KIAA1958: variants seen among roughly 807,000 people sequenced by gnomAD.
The protein encoded by KIAA1958 is uncharacterized protein KIAA1958.
Under a neutral mutation model 47.2 loss-of-function variants are expected in KIAA1958, and 14 were observed. The ratio of observed to expected loss-of-function variants is 0.30; its 90% confidence interval spans 0.20 to 0.46. KIAA1958 has a LOEUF of 0.46. Ranked by LOEUF, KIAA1958 falls within the 20% of genes least tolerant of loss-of-function variation. The probability of loss-of-function intolerance (pLI) is 1.00; values close to 1 mark genes in which losing one functional copy is unlikely to be tolerated. For missense variants in KIAA1958, 803 were observed against 909.2 expected (o/e 0.88, Z 1.50); for synonymous variants, 354 against 353.3 (o/e 1.00, Z -0.02).
intron 2 of KIAA1958, among the ~76,000 whole-genome samples, chr9:112,626,180 A>T (rs541022757): frequency 6.6e-6 from 1 of 152,222 alleles, no homozygotes. Context: ...AGAGGCCTAC[A>T]GTAAGTAGAT....
intron 3 of KIAA1958, among the ~76,000 whole-genome samples, chr9:112,647,179 A>G (rs1028391638): frequency 2.6e-5 from 4 of 152,206 alleles, no homozygotes; most frequent in African/African-American, 9.7e-5. Flanking sequence ...CCAAAAAAAA[A>G]AAAGTGCAAC....
At position 112,493,497 on chromosome 9, in the gene KIAA1958, T is replaced by G. The variant is rs917902832; in HGVS notation, c.-25+6379T>G. Among the ~76,000 whole-genome samples the G allele has an allele frequency of 2.0e-5, 3 of 152,256 alleles. No homozygotes were observed. The East Asian group carries it at 5.8e-4, about 29-fold the overall frequency. ...TTCCTTCTTTATTCTTAATCCCATT[T>G]TCCATACATAATCAAGCCCCTGGGT... On this transcript the variant is annotated intron_variant, in intron 1 of 3. Coordinates refer to ENST00000337530, the MANE Select transcript of KIAA1958 (RefSeq NM_133465.4).
intron 1 of KIAA1958, among the ~76,000 whole-genome samples, chr9:112,549,276 A>G (rs370689738): frequency 6.6e-6 from 1 of 152,242 alleles, no homozygotes; most frequent in Non-Finnish European, 1.5e-5. Context: ...ACATGTTTCC[A>G]TATCCTCATT....
At position 112,659,914 on chromosome 9, in the gene KIAA1958, G is replaced by C. The variant is rs188365567; in HGVS notation, c.1996G>C (p.Val666Leu). The stretch of plus-strand genomic sequence containing the variant: ...GAAGGAGGCCACAGACATGGGCAGC[G>C]TGTGGTATGAGGAGCAGAGGATGGG... ...ARKEATDMGS[V>L]WYEEQRMGLR... The change falls in exon 4 of 4, where the codon GTG (valine) becomes CTG (leucine). Residue 666 changes from valine to leucine, a missense_variant. Val to Leu is a conservative substitution (Grantham distance 32). Around this residue, in one of 2 missense-constraint regions of KIAA1958, gnomAD observed 761 missense variants for 829.3 expected, o/e 0.92. Coordinates refer to ENST00000337530, the MANE Select transcript of KIAA1958 (RefSeq NM_133465.4). 1.2e-6 allele frequency: 2 copies of C among 1,614,114 alleles called. No individual in the cohort carries two copies. Among genetic ancestry groups the C allele is most frequent in the Non-Finnish European group, 1.7e-6 (2 of 1,180,038 alleles).
At chr9:112,498,689 T>C (rs978485460) in intron 1 of KIAA1958, among the ~76,000 whole-genome samples, 1 of 152,222 alleles carries the variant, frequency 6.6e-6, no homozygotes, top group African/African-American at 2.4e-5. Flanking sequence ...TATTTCAATA[T>C]GTGTATACAA....
At chr9:112,578,089 A>G (rs1459047449) in intron 2 of KIAA1958, among the ~76,000 whole-genome samples, 1 of 152,156 alleles carries the variant, frequency 6.6e-6, no homozygotes, top group Non-Finnish European at 1.5e-5. Flanking sequence ...AGCTTTAGAG[A>G]TATACTGTTT....
chr9:112,568,050 T>A (rs1835458177), intron 1 of KIAA1958, among the ~76,000 whole-genome samples: 1 of 152,146 alleles, frequency 6.6e-6, no homozygotes, highest in Admixed American at 6.5e-5. Context: ...AAATTTTTAT[T>A]TTTATTTGAG....
At chr9:112,543,952 T>C in intron 1 of KIAA1958, among the ~76,000 whole-genome samples, 1 of 152,232 alleles carries the variant, frequency 6.6e-6, no homozygotes, top group East Asian at 1.9e-4. Context: ...TGAATACATA[T>C]ATGAAATGTC....
In KIAA1958 at chr9:112,627,212, A is replaced by G. The variant is rs191689148; in HGVS notation, c.1172-18438A>G. Among the ~76,000 whole-genome samples the G allele has an allele frequency of 3.3e-5, 5 of 152,358 alleles. No individual in the cohort carries two copies. The East Asian group carries it at 9.6e-4, about 29-fold the overall frequency. The stretch of plus-strand genomic sequence containing the variant: ...ACACTTTCCGAGCTCTTTGAAAGCA[A>G]AAAACATTTGCAAAAAGAGAAAGAA... On this transcript the variant is annotated intron_variant, in intron 2 of 3. Transcript: ENST00000337530.
chr9:112,539,766 C>G (rs1413148171), intron 1 of KIAA1958, among the ~76,000 whole-genome samples: 1 of 152,126 alleles, frequency 6.6e-6, no homozygotes, highest in African/African-American at 2.4e-5. Flanking sequence ...TCTTGGCTCA[C>G]TGTAACCTCT....
intron 1 of KIAA1958, among the ~76,000 whole-genome samples, chr9:112,537,145 G>T (rs567738937): frequency 1.4e-5 from 2 of 145,196 alleles, no homozygotes; most frequent in Admixed American, 7.1e-5. Context: ...TCCCTTTGTC[G>T]CCCAGGCTGG....
At chr9:112,497,576 A>C (rs901621745) in intron 1 of KIAA1958, among the ~76,000 whole-genome samples, 10 of 152,226 alleles carry the variant, frequency 6.6e-5, no homozygotes, top group Non-Finnish European at 1.3e-4. Context: ...TGGCAGCCCT[A>C]GCAAATGAAT....
chr9:112,612,971 C>T (rs946591920), intron 2 of KIAA1958, among the ~76,000 whole-genome samples: 1 of 152,064 alleles, frequency 6.6e-6, no homozygotes, highest in Non-Finnish European at 1.5e-5. Flanking sequence ...AATGATATGG[C>T]GCTATCTCTA....
intron 2 of KIAA1958, among the ~76,000 whole-genome samples, chr9:112,623,834 G>A (rs1836552542): frequency 6.6e-6 from 1 of 152,150 alleles, no homozygotes; most frequent in Admixed American, 6.6e-5. Context: ...AGCCAGTATC[G>A]ATTGCCATTG....
intron 3 of KIAA1958, among the ~76,000 whole-genome samples, chr9:112,652,527 T>C (rs988871274): frequency 6.6e-6 from 1 of 152,222 alleles, no homozygotes; most frequent in Non-Finnish European, 1.5e-5. Flanking sequence ...ACTTGTAATG[T>C]TCTGTGGAAA....
intron 1 of KIAA1958, among the ~76,000 whole-genome samples, chr9:112,529,430 A>G (rs748345569): frequency 2.0e-5 from 3 of 152,148 alleles, no homozygotes; most frequent in Non-Finnish European, 4.4e-5. Context: ...CCCCATCCAC[A>G]ATACCACGTT....
At chr9:112,505,845 G>A (rs2065227) in intron 1 of KIAA1958, among the ~76,000 whole-genome samples, 145,141 of 152,314 alleles carry the variant, frequency 0.95, 69,205 homozygotes, top group South Asian at 0.98. Flanking sequence ...GGAGCAGACA[G>A]GAACTTTGCT....
rs371107278 is a variant in KIAA1958 at position 112,597,865 on chromosome 9, TAATC to T, written c.1171+22617_1171+22620del. On this transcript the variant is annotated intron_variant, in intron 2 of 3. Transcript: ENST00000337530. Reference sequence around the variant, plus strand: ...TATAGTTTTAGTGTTTCTTTTCTGATAATCAAGTTAATTCACTTATTTAACAAAT... The same window carrying T: ...TATAGTTTTAGTGTTTCTTTTCTGATAAGTTAATTCACTTATTTAACAAAT... Among the ~76,000 whole-genome samples, 106 of 152,358 alleles carry T rather than the reference TAATC, an allele frequency of 7.0e-4. 1 individual carries two copies. Among genetic ancestry groups the T allele is most frequent in the African/African-American group, 2.5e-3 (102 of 41,594 alleles).
At chr9:112,571,948 A>G (rs1835545764) in intron 1 of KIAA1958, among the ~76,000 whole-genome samples, 1 of 150,990 alleles carries the variant, frequency 6.6e-6, no homozygotes, top group South Asian at 2.1e-4. Flanking sequence ...TGAAAGGAAC[A>G]TAAATAAGTC....
Sources: allele counts gnomAD v4.1 joint callset (sites outside exome capture counted in the v4.1 genomes callset), GRCh38; gene constraint gnomAD v4.1.1; regional missense constraint gnomAD v4.1.1; transcripts MANE v1.5; gene names NCBI Gene and HGNC (gene_info 2026-07-23, HGNC 2026-07-21).